The following TIPIN variants were observed in gnomAD, a reference collection of about 807,000 sequenced individuals.
The protein encoded by TIPIN is TIMELESS interacting protein, also known as TIMELESS-interacting protein.
TIPIN carries 29 observed loss-of-function variants against 35.6 expected under a neutral mutation model. The observed-to-expected ratio is 0.82, with a 90% CI of 0.61 to 1.11. The LOEUF (loss-of-function observed/expected upper bound fraction) is 1.11. Ranked by LOEUF, TIPIN falls within the 50% of genes most tolerant of loss-of-function variation. TIPIN has a pLI of 0.00. For missense variants in TIPIN, 296 were observed against 345.4 expected (o/e 0.86, Z 1.13); for synonymous variants, 102 against 121.5 (o/e 0.84, Z 1.06).
chr15:66,367,208 C>CTATATCTATATATCTA (rs1555410030), intron 1 of TIPIN, among the ~76,000 whole-genome samples: 1 of 149,064 alleles, frequency 6.7e-6, no homozygotes, highest in African/African-American at 2.5e-5. Context: ...ATATCTATAT[C>CTATATCTATATATCTA]TATATCTATA....
intron 1 of TIPIN, among the ~76,000 whole-genome samples, chr15:66,354,621 C>G (rs1482780211): frequency 6.6e-6 from 1 of 152,122 alleles, no homozygotes; most frequent in Non-Finnish European, 1.5e-5. Context: ...ACTTCAAGGC[C>G]CTGTGTGATC....
At chr15:66,375,084 A>T (rs547006788) in intron 1 of TIPIN, among the ~76,000 whole-genome samples, 21 of 151,918 alleles carry the variant, frequency 1.4e-4, no homozygotes, top group Admixed American at 7.9e-4. Context: ...TTCTTCATAT[A>T]TTCTGGATAT....
chr15:66,349,035 A>G, intron 6 of TIPIN, 25 bp downstream of exon 6: 2 of 1,581,632 alleles, frequency 1.3e-6, no homozygotes, highest in Non-Finnish European at 1.7e-6. Context: ...AAATTGTTAT[A>G]AAGTAGATAA....
At chr15:66,344,105 GT>G (rs1173177512) in intron 6 of TIPIN, among the ~76,000 whole-genome samples, 1 of 150,374 alleles carries the variant, frequency 6.7e-6, no homozygotes, top group Admixed American at 6.6e-5. Flanking sequence ...CTTTTTTTTT[GT>G]TTTTTTCAAG....
At chr15:66,356,616 T>C (rs2093205703) in intron 1 of TIPIN, 23 bp downstream of exon 1, 2 of 982,720 alleles carry the variant, frequency 2.0e-6, no homozygotes, top group East Asian at 1.2e-4. Flanking sequence ...AAGAACTTCA[T>C]TGGCCCGCCA....
intron 1 of TIPIN, chr15:66,371,221 A>T: frequency 1.6e-5 from 16 of 982,156 alleles, no homozygotes; most frequent in Non-Finnish European, 1.9e-5. Flanking sequence ...AAAAAAAAAA[A>T]GTGTAAGTGT....
upstream of TIPIN, among the ~76,000 whole-genome samples, chr15:66,358,352 CATT>C (rs1352874527): frequency 7.9e-5 from 12 of 151,770 alleles, no homozygotes; most frequent in African/African-American, 2.9e-4. Context: ...AATATAGCAT[CATT>C]AAGATTTGCC....
chr15:66,353,140 T>C (rs528925213), intron 1 of TIPIN, among the ~76,000 whole-genome samples, 185 bp from the exon 2 acceptor site: 3 of 152,256 alleles, frequency 2.0e-5, no homozygotes, highest in Admixed American at 6.5e-5. Context: ...TAAGTTCCAA[T>C]GTAGACCCTA....
At chr15:66,350,613 CA>C (rs67396251) in intron 4 of TIPIN, among the ~76,000 whole-genome samples, 8,387 of 129,998 alleles carry the variant, frequency 0.065, 326 homozygotes, top group Middle Eastern at 0.14. Context: ...CTCAAAAAAA[CA>C]AAAAAAAAAA....
At chr15:66,370,665 T>C (rs1037743504) in intron 1 of TIPIN, among the ~76,000 whole-genome samples, 4 of 152,152 alleles carry the variant, frequency 2.6e-5, no homozygotes, top group East Asian at 1.9e-4. Context: ...GATTAAAGTA[T>C]AGAAAAATGT....
At chr15:66,367,217 T>TATCTAC (rs1380252071) in intron 1 of TIPIN, among the ~76,000 whole-genome samples, 1 of 150,750 alleles carries the variant, frequency 6.6e-6, no homozygotes, top group African/African-American at 2.4e-5. Context: ...TCTATATCTA[T>TATCTAC]ATCTATATCT....
In TIPIN at chr15:66,363,337, G is replaced by A. The variant is rs138716397; in HGVS notation, c.-8-10382C>T. Among the ~76,000 whole-genome samples, 1,106 of 151,952 alleles carry A rather than the reference G, an allele frequency of 7.3e-3. 13 individuals carry two copies. Among genetic ancestry groups the A allele is most frequent in the African/African-American group, 0.025 (1,056 of 41,442 alleles). On this transcript the variant is annotated intron_variant, in intron 1 of 7. Transcript: ENST00000562124. Reference sequence around the variant, plus strand: ...AGCCTGGCCAACATGGTGAAACGCCGTCTCTACTAAAAATACAAAAATTAG... The same window carrying A: ...AGCCTGGCCAACATGGTGAAACGCCATCTCTACTAAAAATACAAAAATTAG...
rs189007055 is a variant in TIPIN at position 66,339,122 on chromosome 15, A to G, written c.683-1941T>C. On this transcript the variant is annotated intron_variant, in intron 7 of 7. Transcript: ENST00000261881. ...ACTCCAGCCTGAGCTACAGAGCAAG[A>G]CTCCATCTCAAAAAAAAAAAAAAAA... Among the ~76,000 whole-genome samples, 364 of 115,796 alleles carry G rather than the reference A, an allele frequency of 3.1e-3. 1 individual carries two copies. Among genetic ancestry groups the G allele is most frequent in the African/African-American group, 0.012 (351 of 29,694 alleles). The allele number at this position is 115,796 out of a possible 152,430, so 76.0% of individuals were successfully genotyped here. A position where few individuals can be genotyped will look rare whatever the true frequency, so the allele number is the denominator to read the frequency against.
intron 7 of TIPIN, among the ~76,000 whole-genome samples, chr15:66,337,414 C>A (rs955354798): frequency 6.6e-6 from 1 of 150,440 alleles, no homozygotes; most frequent in Non-Finnish European, 1.5e-5. Context: ...CAACCTCCAC[C>A]GGGTTCAAGT....
intron 1 of TIPIN, among the ~76,000 whole-genome samples, chr15:66,375,132 A>G (rs4238405): frequency 1 from 152,077 of 152,116 alleles, 76,019 homozygotes; most frequent in Non-Finnish European, 1. Flanking sequence ...GCATTATATG[A>G]GCCAGGTGCA....
intron 1 of TIPIN, among the ~76,000 whole-genome samples, chr15:66,370,663 T>G (rs375955030): frequency 1.6e-4 from 24 of 152,240 alleles, no homozygotes; most frequent in African/African-American, 5.3e-4. Flanking sequence ...AGGATTAAAG[T>G]ATAGAAAAAT....
At chr15:66,338,511 AT>A (rs1192144438) in intron 7 of TIPIN, among the ~76,000 whole-genome samples, 1 of 152,138 alleles carries the variant, frequency 6.6e-6, no homozygotes, top group African/African-American at 2.4e-5. Flanking sequence ...TAAAACATCC[AT>A]TTATAAAGAA....
At position 66,352,956 on chromosome 15, in the gene TIPIN, C is replaced by T. The variant is rs372447976; in HGVS notation, c.-8-1G>A. ...TCCTGTGGTTCTAGCATCTTTTCCT[C>T]TAGGGGAAAAAATTAAAGTTATTTG... On this transcript the variant is annotated splice_acceptor_variant, in intron 1 of 7. Transcript: ENST00000261881. LOFTEE classifies it low-confidence loss of function (5UTR_SPLICE). 4 of 1,608,992 alleles carry T rather than the reference C, an allele frequency of 2.5e-6. No individual in the cohort carries two copies. Among genetic ancestry groups the T allele is most frequent in the Non-Finnish European group, 2.5e-6 (3 of 1,177,824 alleles).
At position 66,355,927 on chromosome 15, in the gene TIPIN, C is replaced by T. The variant is rs62627265; in HGVS notation, c.-9+712G>A. 3.3e-3 allele frequency among the ~76,000 whole-genome samples: 499 copies of T among 152,180 alleles called. 2 individuals carry two copies. The highest frequency in any genetic ancestry group is 0.011 in the African/African-American group (477 of 41,488). ...TGGCCAAGCATGGGGTGGGGCTTGT[C>T]AGGAAACTGGTATTTCTTTCTTCTA... On this transcript the variant is annotated intron_variant, in intron 1 of 7. Coordinates refer to ENST00000261881, the MANE Select transcript of TIPIN (RefSeq NM_017858.3).
Sources: allele counts gnomAD v4.1 joint callset (sites outside exome capture counted in the v4.1 genomes callset), GRCh38; gene constraint gnomAD v4.1.1; transcripts MANE v1.5; gene names NCBI Gene and HGNC (gene_info 2026-07-23, HGNC 2026-07-21).